PASD1: variants seen among roughly 807,000 people sequenced by gnomAD.
PASD1 encodes the protein PAS domain containing repressor 1, also known as circadian clock protein PASD1.
In PASD1, 13 loss-of-function variants were observed where a neutral mutation model predicts 58.8. The observed-to-expected ratio is 0.22, with a 90% confidence interval of 0.14 to 0.35. PASD1 has a LOEUF of 0.35. PASD1 is among the 10% of genes least tolerant of loss of function. The pLI, the probability that PASD1 is intolerant of heterozygous loss-of-function variation, is 1.00. For synonymous variants in PASD1, 236 were observed against 216.7 expected, an observed-to-expected ratio of 1.09 and a Z score of -0.78; for missense variants, 734 against 568.3, an observed-to-expected ratio of 1.29 and a Z score of -2.96.
chrX:151,636,626 A>G (rs1198890436), intron 8 of PASD1, among the ~76,000 whole-genome samples: 1 of 109,178 alleles, frequency 9.2e-6, no homozygotes, highest in African/African-American at 3.3e-5. Context: ...CTGGTCTTGA[A>G]CTCCTTACCT....
At chrX:151,675,929 C>T in intron 15 of PASD1, 68 bp from the exon 16 acceptor site, 2 of 1,120,694 alleles carry the variant, frequency 1.8e-6, no homozygotes, top group Non-Finnish European at 1.2e-6. Context: ...AAGGATTCCT[C>T]CTACCACCAA....
intron 1 of PASD1, among the ~76,000 whole-genome samples, chrX:151,577,691 A>G (rs761231419): frequency 9.0e-6 from 1 of 110,589 alleles, no homozygotes; most frequent in Non-Finnish European, 1.9e-5. Flanking sequence ...CGCCCAGCAA[A>G]TTTTTTTTGT....
intron 9 of PASD1, among the ~76,000 whole-genome samples, chrX:151,655,017 T>C (rs1427514433): frequency 9.3e-6 from 1 of 107,048 alleles, no homozygotes; most frequent in Non-Finnish European, 1.9e-5. Flanking sequence ...CCCCACCCCA[T>C]GACAGGCCCT....
At chrX:151,610,562 T>C (rs1177294260) in intron 3 of PASD1, among the ~76,000 whole-genome samples, 1 of 111,958 alleles carries the variant, frequency 8.9e-6, no homozygotes, top group Non-Finnish European at 1.9e-5. Flanking sequence ...TTGCCTCTTA[T>C]TCGTAATGCT....
chrX:151,636,759 TA>T (rs200735177), intron 8 of PASD1, among the ~76,000 whole-genome samples: 119 of 111,428 alleles, frequency 1.1e-3, no homozygotes, highest in African/African-American at 3.2e-3. Flanking sequence ...AATTGTGCAG[TA>T]AATTTTTTTT....
intron 6 of PASD1, among the ~76,000 whole-genome samples, chrX:151,622,596 C>CACAG (rs1376813917): frequency 1.8e-5 from 2 of 108,877 alleles, no homozygotes; most frequent in African/African-American, 6.7e-5. Context: ...TACACACACA[C>CACAG]ACACACACAC....
At chrX:151,657,748 C>T (rs1270068237) in intron 9 of PASD1, among the ~76,000 whole-genome samples, 1 of 110,440 alleles carries the variant, frequency 9.1e-6, no homozygotes, top group Non-Finnish European at 1.9e-5. Flanking sequence ...ATTCTTCTCT[C>T]TTTTCTTCTT....
At chrX:151,569,999 A>G (rs867234092) in intron 1 of PASD1, among the ~76,000 whole-genome samples, 1 of 111,513 alleles carries the variant, frequency 9.0e-6, no homozygotes, top group Non-Finnish European at 1.9e-5. Context: ...ATTTTGTTGC[A>G]TATAGATTTT....
chrX:151,564,695 G>A (rs903602632), intron 1 of PASD1, among the ~76,000 whole-genome samples: 3 of 97,711 alleles, frequency 3.1e-5, no homozygotes, highest in African/African-American at 7.9e-5. Flanking sequence ...CGGACTTAGC[G>A]AGACCTGTTC....
chrX:151,594,127 C>A (rs911952231), intron 1 of PASD1, among the ~76,000 whole-genome samples: 1 of 110,438 alleles, frequency 9.1e-6, no homozygotes, highest in Non-Finnish European at 1.9e-5. Context: ...GTGCCCGCCA[C>A]CATGCCTGGC....
intron 1 of PASD1, among the ~76,000 whole-genome samples, chrX:151,569,210 T>G (rs977123503): frequency 8.9e-6 from 1 of 112,124 alleles, no homozygotes; most frequent in South Asian, 3.7e-4. Context: ...TATTCCTTAG[T>G]ATAGACAATA....
chrX:151,674,207 T>C (rs1328802333), intron 15 of PASD1, 21 bp downstream of exon 15: 2 of 1,209,228 alleles, frequency 1.7e-6, no homozygotes, highest in East Asian at 5.9e-5. Flanking sequence ...GCCCCCTCCT[T>C]TTCCTTCCAG....
intron 10 of PASD1, among the ~76,000 whole-genome samples, chrX:151,663,794 T>TTTATTTGG (rs1250793839): frequency 9.0e-6 from 1 of 111,453 alleles, no homozygotes; most frequent in Non-Finnish European, 1.9e-5. Flanking sequence ...ATGACTAGAT[T>TTTATTTGG]TTATTTGGTT....
chrX:151,667,738 G>A (rs867524522), intron 11 of PASD1, among the ~76,000 whole-genome samples: 16 of 111,555 alleles, frequency 1.4e-4, no homozygotes, highest in African/African-American at 5.2e-4. Context: ...CCATTGGTCT[G>A]TATCTCTGTT....
chrX:151,612,181 T>A (rs6627427), intron 4 of PASD1, among the ~76,000 whole-genome samples: 1 of 79,283 alleles, frequency 1.3e-5, no homozygotes, highest in South Asian at 6.3e-4. Context: ...GTATTCCCTG[T>A]TGTATATGTG....
At chrX:151,599,511 G>T (rs112456489) in intron 1 of PASD1, among the ~76,000 whole-genome samples, 16 of 111,596 alleles carry the variant, frequency 1.4e-4, no homozygotes, top group Non-Finnish European at 2.8e-4. Context: ...TCCCAGACGG[G>T]GCGGCTGCCG....
intron 9 of PASD1, among the ~76,000 whole-genome samples, chrX:151,652,200 G>A (rs767766007): frequency 3.9e-4 from 43 of 111,406 alleles, no homozygotes; most frequent in South Asian, 1.9e-3. Flanking sequence ...AGACAATAAC[G>A]AGATGAAAAT....
chrX:151,653,803 C>CTTTCTTTCTTTCTTTCTTTCTTTCT (rs1569413752), intron 9 of PASD1, among the ~76,000 whole-genome samples: 1 of 10,524 alleles, frequency 9.5e-5, no homozygotes, highest in Non-Finnish European at 2.2e-4. Context: ...TCTTTCTTTC[C>CTTTCTTTCTTTCTTTCTTTCTTTCT]TTCCTTCCTT....
intron 9 of PASD1, among the ~76,000 whole-genome samples, chrX:151,654,836 T>C (rs189374275): frequency 3.6e-5 from 4 of 111,006 alleles, no homozygotes; most frequent in Non-Finnish European, 5.7e-5. Flanking sequence ...ATTTCTTTGT[T>C]TTGATTTTTG....
Sources: allele counts gnomAD v4.1 joint callset (sites outside exome capture counted in the v4.1 genomes callset), GRCh38; gene constraint gnomAD v4.1.1; transcripts MANE v1.5; gene names NCBI Gene and HGNC (gene_info 2026-07-23, HGNC 2026-07-21).